The following DPYD variants were observed in gnomAD, a reference collection of about 807,000 sequenced individuals.
DPYD encodes dihydropyrimidine dehydrogenase [NADP(+)].
Under a neutral mutation model 116.2 loss-of-function variants are expected in DPYD, and 109 were observed. That is an observed-to-expected ratio of 0.94 (90% CI 0.80 to 1.10). The LOEUF is 1.10. DPYD is among the 50% of genes least tolerant of loss of function. The probability of loss-of-function intolerance (pLI) is 0.00; values close to 1 mark genes in which losing one functional copy is unlikely to be tolerated. For missense variants in DPYD, 1,302 were observed against 1,254.5 expected (o/e 1.04, Z -0.57); for synonymous variants, 440 against 432.0 (o/e 1.02, Z -0.23).
chr1:97,912,199 G>A (rs1558049381), intron 1 of DPYD, among the ~76,000 whole-genome samples: 1 of 151,886 alleles, frequency 6.6e-6, no homozygotes, highest in African/African-American at 2.4e-5. Flanking sequence ...GCATGCAAAC[G>A]AGAACGGCAG....
At chr1:97,353,039 T>A (rs963020720) in intron 16 of DPYD, among the ~76,000 whole-genome samples, 1 of 150,334 alleles carries the variant, frequency 6.7e-6, no homozygotes, top group Non-Finnish European at 1.5e-5. Context: ...AAAAGAACTG[T>A]CAGACACAAA....
chr1:97,915,821 T>C (rs1346855170), intron 1 of DPYD, among the ~76,000 whole-genome samples: 1 of 152,196 alleles, frequency 6.6e-6, no homozygotes, highest in Non-Finnish European at 1.5e-5. Flanking sequence ...CAATCCTCCA[T>C]TTTGATCTCC....
chr1:97,745,874 G>A (rs1468540418), intron 3 of DPYD, among the ~76,000 whole-genome samples: 1 of 152,002 alleles, frequency 6.6e-6, no homozygotes, highest in Non-Finnish European at 1.5e-5. Flanking sequence ...GTGTTCTAGT[G>A]ACCCCATCTC....
chr1:97,455,142 A>T (rs1676611104), intron 13 of DPYD, among the ~76,000 whole-genome samples: 1 of 151,906 alleles, frequency 6.6e-6, no homozygotes, highest in Non-Finnish European at 1.5e-5. Flanking sequence ...CTGGAGGAGA[A>T]ATTGGAAATG....
chr1:97,495,982 A>G (rs1450948716), intron 13 of DPYD, among the ~76,000 whole-genome samples: 1 of 152,152 alleles, frequency 6.6e-6, no homozygotes, highest in Non-Finnish European at 1.5e-5. Flanking sequence ...GGAGAATAAA[A>G]GTACCTATTG....
chr1:97,211,107 C>T lies in DPYD; in HGVS notation c.2443-17859G>A, dbSNP rs1660004323. The stretch of plus-strand genomic sequence containing the variant: ...CTGCATAAGACCAACAATGTCTTGC[C>T]TCACTTTGCAAAAATGGGAACACTT... On this transcript the variant is annotated intron_variant, in intron 19 of 22. Transcript: ENST00000370192. 2.0e-5 allele frequency among the ~76,000 whole-genome samples: 3 copies of T among 152,104 alleles called. No homozygotes were observed. In the South Asian group the frequency reaches 6.2e-4, roughly 32 times the overall value.
At chr1:97,527,913 A>T (rs1649275135) in intron 12 of DPYD, among the ~76,000 whole-genome samples, 1 of 152,200 alleles carries the variant, frequency 6.6e-6, no homozygotes, top group Non-Finnish European at 1.5e-5. Flanking sequence ...AATTCAAAAT[A>T]ATCAAACAGC....
chr1:97,397,735 T>C (rs769127359), intron 14 of DPYD, among the ~76,000 whole-genome samples: 1 of 152,098 alleles, frequency 6.6e-6, no homozygotes, highest in Non-Finnish European at 1.5e-5. Flanking sequence ...TCACTGTCTG[T>C]ATGTACCAAA....
rs144389701 is a variant in DPYD, at chr1:97,707,014, G to A, written c.484-7467C>T. The stretch of plus-strand genomic sequence containing the variant: ...ATCCTGTCAGCATTTGGTGATATCA[G>A]TGTTCTGCATTTTGGCTGTTTGGTC... On this transcript the variant is annotated intron_variant, in intron 5 of 22. Coordinates refer to ENST00000370192, the MANE Select transcript of DPYD (RefSeq NM_000110.4). Among the ~76,000 whole-genome samples, 55 of 152,192 alleles carry A rather than the reference G, an allele frequency of 3.6e-4. 1 individual carries two copies. In the East Asian group the frequency reaches 0.01, roughly 29 times the overall value.
intron 8 of DPYD, among the ~76,000 whole-genome samples, chr1:97,659,107 C>T (rs955915512): frequency 6.6e-6 from 1 of 152,092 alleles, no homozygotes; most frequent in Admixed American, 6.5e-5. Flanking sequence ...ACCCATTGTG[C>T]GCCCACAACT....
chr1:97,441,846 T>C (rs935002347), intron 14 of DPYD, among the ~76,000 whole-genome samples: 3 of 152,218 alleles, frequency 2.0e-5, no homozygotes, highest in African/African-American at 7.2e-5. Flanking sequence ...TGGAAACACG[T>C]TGATCCTTTC....
chr1:97,893,187 A>G (rs1160991595), intron 1 of DPYD, among the ~76,000 whole-genome samples: 1 of 151,400 alleles, frequency 6.6e-6, no homozygotes, highest in Non-Finnish European at 1.5e-5. Context: ...AAGTACAGGA[A>G]TATAGAAAAA....
intron 12 of DPYD, among the ~76,000 whole-genome samples, chr1:97,548,099 GAAAC>G (rs1252827908): frequency 6.6e-6 from 1 of 152,096 alleles, no homozygotes; most frequent in Non-Finnish European, 1.5e-5. Context: ...TAGCATGTGG[GAAAC>G]AAACAAGAGA....
intron 21 of DPYD, among the ~76,000 whole-genome samples, chr1:97,082,985 T>C (rs569800472): frequency 6.6e-6 from 1 of 152,282 alleles, no homozygotes; most frequent in East Asian, 1.9e-4. Context: ...TCACCTGTCA[T>C]GTCTTGAAGA....
chr1:97,626,464 A>C (rs914026390), intron 8 of DPYD, among the ~76,000 whole-genome samples: 15 of 152,036 alleles, frequency 9.9e-5, no homozygotes, highest in African/African-American at 3.6e-4. Context: ...AACAAACAAC[A>C]ACATAAAAAA....
intron 8 of DPYD, among the ~76,000 whole-genome samples, chr1:97,647,886 C>G (rs1241477857): frequency 6.6e-6 from 1 of 151,874 alleles, no homozygotes; most frequent in Non-Finnish European, 1.5e-5. Context: ...TAGTTTTTCC[C>G]AACTCATACA....
intron 16 of DPYD, among the ~76,000 whole-genome samples, chr1:97,312,447 A>G (rs1488203794): frequency 6.6e-6 from 1 of 151,916 alleles, no homozygotes; most frequent in Admixed American, 6.6e-5. Flanking sequence ...CATTCAAAAT[A>G]TGTGTACAAA....
chr1:97,200,839 C>T (rs567233091), intron 19 of DPYD, among the ~76,000 whole-genome samples: 21 of 152,108 alleles, frequency 1.4e-4, no homozygotes, highest in Non-Finnish European at 2.9e-4. Context: ...TGCTGGCAGA[C>T]CCGCCTGGTT....
At chr1:97,172,384 A>G (rs1417286233) in intron 20 of DPYD, among the ~76,000 whole-genome samples, 1 of 152,176 alleles carries the variant, frequency 6.6e-6, no homozygotes, top group Admixed American at 6.6e-5. Flanking sequence ...GATTTGATAC[A>G]AAGTATAGAT....
Sources: gnomAD v4.1 joint callset for allele counts (sites outside exome capture counted in the v4.1 genomes callset) on GRCh38, gnomAD v4.1.1 for gene constraint, MANE v1.5 for transcripts, NCBI Gene and HGNC (gene_info 2026-07-23, HGNC 2026-07-21) for gene names.